Variants in SEPTIN8 observed in about 807,000 individuals in gnomAD.
SEPTIN8 encodes the protein septin 8, also known as septin-8.
A neutral mutation model predicts 53.1 loss-of-function variants in SEPTIN8; 22 were observed. The ratio of observed to expected loss-of-function variants is 0.41; its 90% CI spans 0.30 to 0.59. The LOEUF (loss-of-function observed/expected upper bound fraction) is 0.59, where lower values mean the gene tolerates loss of function less well. SEPTIN8 is among the 20% of genes least tolerant of loss of function. The pLI is 0.24. For synonymous variants in SEPTIN8, 228 were observed against 248.4 expected (o/e 0.92, Z 0.77); for missense variants, 536 against 638.7 (o/e 0.84, Z 1.73).
At chr5:132,777,675 C>A, upstream of SEPTIN8, 1 of 985,576 alleles carries the variant, frequency 1.0e-6, no homozygotes, top group Non-Finnish European at 1.2e-6. This position sits in a 1 kb window ranked among gnomAD's most constrained non-coding sequence, Gnocchi z 4.1. Flanking sequence ...GGACCACCAA[C>A]CAGAGTGTGG....
At chr5:132,756,077 T>C in intron 9 of SEPTIN8, 12 of 985,390 alleles carry the variant, frequency 1.2e-5, no homozygotes, top group Non-Finnish European at 1.4e-5. Flanking sequence ...AGTCAATGAA[T>C]GCAGGAGTAA....
chr5:132,764,520 C>T (rs1396370470), intron 2 of SEPTIN8, 101 bp from the exon 3 acceptor site: 2 of 957,902 alleles, frequency 2.1e-6, no homozygotes, highest in Admixed American at 5.3e-5. Flanking sequence ...GCATCCATGG[C>T]CCCTGGATAA....
upstream of SEPTIN8, among the ~76,000 whole-genome samples, chr5:132,779,214 C>A (rs927963145): frequency 3.3e-5 from 5 of 152,168 alleles, no homozygotes; most frequent in African/African-American, 1.2e-4. Context: ...TGAGAATTAT[C>A]TATGAGGGCT....
Position 132,760,225 on chromosome 5 carries a change from A to G in SEPTIN8, c.1286+577T>C, listed in dbSNP as rs1200143871. Among the ~76,000 whole-genome samples, 1 of 151,966 alleles carries G rather than the reference A, an allele frequency of 6.6e-6. No homozygotes were observed. The highest frequency in any genetic ancestry group is 1.5e-5 in the Non-Finnish European group (1 of 67,998). On this transcript the variant is annotated intron_variant, in intron 9 of 9. Coordinates refer to ENST00000378719, the MANE Select transcript of SEPTIN8 (RefSeq NM_001098811.2). This position sits in a 1 kb window ranked among gnomAD's most constrained non-coding sequence, Gnocchi z 5.2. ...TGCCAGCCAATACGGGCTCCACACC[A>G]CTGCCCCACAGACTGAGGAGGGATG...
chr5:132,774,492 C>A (rs1338242348), intron 1 of SEPTIN8, among the ~76,000 whole-genome samples: 1 of 152,170 alleles, frequency 6.6e-6, no homozygotes, highest in African/African-American at 2.4e-5. Flanking sequence ...AGGCAAGAGG[C>A]AACACACCCT....
At position 132,752,285 on chromosome 5, in the gene SEPTIN8, G is replaced by A. The variant is rs937577790; in HGVS notation, c.1287-104C>T. On this transcript the variant is annotated intron_variant, in intron 9 of 9. Transcript: ENST00000378719. ...CCCCAAAGGGGTACCCTTTGCCCTTGTAGCCTCTGGAAAATGTTCTGGCCA... is the reference window on the plus strand; with the variant it reads ...CCCCAAAGGGGTACCCTTTGCCCTTATAGCCTCTGGAAAATGTTCTGGCCA... 2.2e-6 allele frequency: 3 copies of A among 1,387,078 alleles called. No individual in the cohort carries two copies. In the Admixed American group the frequency reaches 7.9e-5, roughly 36 times the overall value. The allele number at this position is 1,387,078 out of a possible 1,614,324, so 85.9% of individuals were successfully genotyped here.
Position 132,751,048 on chromosome 5 carries a change from G to T in SEPTIN8, c.*968C>A, listed in dbSNP as rs761385984. The T allele has an allele frequency of 6.3e-7, 1 of 1,597,408 alleles. No homozygotes were observed. Among genetic ancestry groups the T allele is most frequent in the East Asian group, 2.2e-5 (1 of 44,766 alleles). ...CTACCCTAAACTCGTTTGTGCCTTT[G>T]GAACAGCTGTTTACAACATGGGATG... On this transcript the variant is annotated 3_prime_UTR_variant, in exon 10 of 10. Transcript: ENST00000378719.
rs1437298143 is a variant in SEPTIN8, at chr5:132,773,818, C to T, written c.30+3290G>A. 1 of 152,544 alleles carries T rather than the reference C, an allele frequency of 6.6e-6. No homozygotes were observed. Among genetic ancestry groups the T allele is most frequent in the African/African-American group, 2.4e-5 (1 of 41,430 alleles). The allele number at this position is 152,544 out of a possible 1,614,324, so 9.4% of individuals were successfully genotyped here. ...AATGACCAATGCTTTCCATCAGCCCCGCAGCTCTGACCCACTGCAATCAAG... is the reference window on the plus strand; with the variant it reads ...AATGACCAATGCTTTCCATCAGCCCTGCAGCTCTGACCCACTGCAATCAAG... On this transcript the variant is annotated intron_variant, in intron 1 of 9. Transcript: ENST00000378719. The surrounding 1 kb of genome is among the most constrained non-coding windows in gnomAD (Gnocchi z 4.2).
intron 2 of SEPTIN8, among the ~76,000 whole-genome samples, chr5:132,764,662 G>C (rs1049435233): frequency 3.9e-5 from 6 of 152,232 alleles, no homozygotes; most frequent in Non-Finnish European, 7.3e-5. Flanking sequence ...ACATAGCTGT[G>C]TGTGATATGT....
chr5:132,756,215 A>G (rs1427300824), intron 9 of SEPTIN8: 1 of 985,294 alleles, frequency 1.0e-6, no homozygotes, highest in Non-Finnish European at 1.2e-6. Flanking sequence ...ATACACAAAC[A>G]TATGCAGTCA....
chr5:132,751,187 G>T lies in SEPTIN8; in HGVS notation c.*829C>A, dbSNP rs550409609. On this transcript the variant is annotated 3_prime_UTR_variant, in exon 10 of 10. Coordinates refer to ENST00000378719, the MANE Select transcript of SEPTIN8 (RefSeq NM_001098811.2). ...TCTTAAATCCAACACAGTTCCACCA[G>T]ACTCCCACTTCTAAAGGACATTAAA... The T allele has an allele frequency of 2.1e-5, 11 of 518,754 alleles. No homozygotes were observed. The South Asian group carries it at 3.6e-4, about 17-fold the overall frequency. 32.1% of individuals were successfully genotyped at this position (518,754 alleles called of 1,614,324 possible).
Position 132,750,826 on chromosome 5 carries a change from G to C in SEPTIN8, c.*1190C>G, listed in dbSNP as rs775239023. On this transcript the variant is annotated 3_prime_UTR_variant, in exon 10 of 10. Coordinates refer to ENST00000378719, the MANE Select transcript of SEPTIN8 (RefSeq NM_001098811.2). ...ACAAAAGCTACTATGACATGATGTA[G>C]GGCTTTGGCCTCTTTATTTTCTTTT... 15 of 1,608,642 alleles carry C rather than the reference G, an allele frequency of 9.3e-6. No homozygotes were observed. The highest frequency in any genetic ancestry group is 1.2e-5 in the Non-Finnish European group (14 of 1,178,030).
upstream of SEPTIN8, chr5:132,777,748 T>C: frequency 1.0e-6 from 1 of 985,392 alleles, no homozygotes; most frequent in Non-Finnish European, 1.2e-6. This position sits in a 1 kb window ranked among gnomAD's most constrained non-coding sequence, Gnocchi z 4.1. Context: ...GCGGGTGTCT[T>C]GGGCCCCACC....
Position 132,751,944 on chromosome 5 carries a change from C to A in SEPTIN8, c.*72G>T. ...AAAAGTATGGCGTTTTCTGTTCTAA[C>A]ATTAAAAACCATGGTCTCCAGTTCC... is the stretch of plus-strand genomic sequence containing the variant. On this transcript the variant is annotated 3_prime_UTR_variant, in exon 10 of 10. Coordinates refer to ENST00000378719, the MANE Select transcript of SEPTIN8 (RefSeq NM_001098811.2). 1 of 1,590,186 alleles carries A rather than the reference C, an allele frequency of 6.3e-7. No homozygotes were observed. The highest frequency in any genetic ancestry group is 8.6e-7 in the Non-Finnish European group (1 of 1,167,426).
At chr5:132,755,486 A>C (rs1405216036) in intron 9 of SEPTIN8, among the ~76,000 whole-genome samples, 1 of 152,048 alleles carries the variant, frequency 6.6e-6, no homozygotes, top group Non-Finnish European at 1.5e-5. Context: ...CAGCGTTCAA[A>C]TCTCAACTTC....
Position 132,762,511 on chromosome 5 carries a change from A to G in SEPTIN8, c.669T>C (p.Ala223=). The change falls in exon 5 of 10, where the codon GCT becomes GCC. Residue 223 remains alanine (A), a synonymous_variant. Transcript: ENST00000378719. ...TCATGACTGCGTTAATCTCTGCAAC[A>G]GCCTCATCATCCGTGGGGAACTGGT... ...QIYQFPTDDE[A]VAEINAVMNA... The G allele has an allele frequency of 6.2e-7, 1 of 1,614,218 alleles. No individual in the cohort carries two copies.
In SEPTIN8 at chr5:132,757,185, C is replaced by T. The variant is rs1473230832; in HGVS notation, c.1286+3617G>A. 5.1e-6 allele frequency: 5 copies of T among 977,208 alleles called. No individual in the cohort carries two copies. In the African/African-American group the frequency reaches 7.0e-5, roughly 14 times the overall value. 60.5% of individuals were successfully genotyped at this position (977,208 alleles called of 1,614,324 possible). A position where few individuals can be genotyped will look rare whatever the true frequency, so the allele number is the denominator to read the frequency against. ...CTAATTTTATATTAACATTGTTTTT[C>T]TTAAAGAAGTCTTTCTAAATAATTC... On this transcript the variant is annotated intron_variant, in intron 9 of 9. Transcript: ENST00000378719.
chr5:132,769,490 T>C (rs1756952191), intron 1 of SEPTIN8, among the ~76,000 whole-genome samples: 1 of 152,162 alleles, frequency 6.6e-6, no homozygotes, highest in Non-Finnish European at 1.5e-5. Flanking sequence ...GTAACATATA[T>C]AGGTGAAGGG....
At chr5:132,757,506 A>G in intron 9 of SEPTIN8, 2 of 985,502 alleles carry the variant, frequency 2.0e-6, no homozygotes, top group African/African-American at 1.7e-5. Context: ...AAAGCAAACT[A>G]CCAATTCCAC....
Sources: gnomAD v4.1 joint callset for allele counts (sites outside exome capture counted in the v4.1 genomes callset) on GRCh38, gnomAD v4.1.1 for gene constraint, Gnocchi (gnomAD v3.1) non-coding constraint, MANE v1.5 for transcripts, NCBI Gene and HGNC (gene_info 2026-07-23, HGNC 2026-07-21) for gene names.